The following AGBL4 variants were observed in gnomAD, a reference collection of about 807,000 sequenced individuals.
AGBL4 encodes cytosolic carboxypeptidase 6.
In AGBL4, 58 loss-of-function variants were observed where a neutral mutation model predicts 66.4. That is an observed-to-expected ratio of 0.87 (90% CI 0.71 to 1.09). The LOEUF is 1.09. AGBL4 is among the 50% of genes least tolerant of loss of function. AGBL4 has a pLI of 0.00. For missense variants in AGBL4, 579 were observed against 631.0 expected, an observed-to-expected ratio of 0.92 and a Z score of 0.88; for synonymous variants, 234 against 222.9, an observed-to-expected ratio of 1.05 and a Z score of -0.44.
chr1:49,663,244 T>C (rs933054940), intron 3 of AGBL4, among the ~76,000 whole-genome samples: 4 of 152,236 alleles, frequency 2.6e-5, no homozygotes, highest in African/African-American at 9.6e-5. Flanking sequence ...TTTGTTTCCT[T>C]CCCATAGCAC....
At chr1:48,523,518 C>G in the AGBL4 span, among the ~76,000 whole-genome samples, 1 of 152,156 alleles carries the variant, frequency 6.6e-6, no homozygotes, top group African/African-American at 2.4e-5. Flanking sequence ...TAAATCCAGG[C>G]TCTGGGTTAG....
chr1:48,812,815 A>G (rs1231502194), intron 6 of AGBL4, among the ~76,000 whole-genome samples: 1 of 152,080 alleles, frequency 6.6e-6, no homozygotes, highest in Non-Finnish European at 1.5e-5. Context: ...TTGTAGGGAC[A>G]TGGATGAAGC....
intron 3 of AGBL4, among the ~76,000 whole-genome samples, chr1:49,677,808 C>T (rs1443050805): frequency 1.3e-5 from 2 of 152,102 alleles, no homozygotes; most frequent in Non-Finnish European, 2.9e-5. Flanking sequence ...TAAGAAGAGA[C>T]ACCAGAGAGC....
intron 3 of AGBL4, among the ~76,000 whole-genome samples, chr1:49,468,696 A>T (rs1646678762): frequency 6.6e-6 from 1 of 151,772 alleles, no homozygotes. Flanking sequence ...TTTCATCTTC[A>T]CATCATTTCC....
intron 3 of AGBL4, among the ~76,000 whole-genome samples, chr1:49,621,230 A>G (rs1052028638): frequency 2.6e-5 from 4 of 152,214 alleles, no homozygotes; most frequent in Non-Finnish European, 4.4e-5. Context: ...TACACTCACC[A>G]GCAGTTTGGC....
chr1:48,537,513 A>G lies in AGBL4; in HGVS notation c.1364+2129T>C, dbSNP rs936049157. Among the ~76,000 whole-genome samples the G allele has an allele frequency of 3.9e-5, 6 of 152,042 alleles. 1 individual carries two copies. The highest frequency in any genetic ancestry group is 5.9e-5 in the Non-Finnish European group (4 of 68,010). On this transcript the variant is annotated intron_variant, in intron 12 of 13. Coordinates refer to ENST00000371839, the MANE Select transcript of AGBL4 (RefSeq NM_032785.4). Reference sequence around the variant, plus strand: ...CTCTTCACTGGTAGACACTGAACACACTGCATGGCAGGGTGAGGGCCTGTG... The same window carrying G: ...CTCTTCACTGGTAGACACTGAACACGCTGCATGGCAGGGTGAGGGCCTGTG...
intron 4 of AGBL4, among the ~76,000 whole-genome samples, chr1:49,171,987 A>G (rs1464962016): frequency 4.6e-5 from 7 of 152,216 alleles, no homozygotes; most frequent in African/African-American, 7.2e-5. Flanking sequence ...CAAATCACAT[A>G]AATAGTAAAT....
At chr1:49,331,894 T>C (rs1645342446) in intron 3 of AGBL4, among the ~76,000 whole-genome samples, 1 of 151,138 alleles carries the variant, frequency 6.6e-6, no homozygotes, top group African/African-American at 2.4e-5. Context: ...ACCCATATTC[T>C]AGACATAGCT....
intron 6 of AGBL4, among the ~76,000 whole-genome samples, chr1:48,705,065 A>T (rs1646861516): frequency 6.6e-6 from 1 of 152,224 alleles, no homozygotes; most frequent in African/African-American, 2.4e-5. Context: ...TTATAATCTT[A>T]TGGGACCACT....
chr1:48,617,359 C>T (rs917426870), intron 9 of AGBL4, among the ~76,000 whole-genome samples: 2 of 152,202 alleles, frequency 1.3e-5, no homozygotes, highest in Non-Finnish European at 2.9e-5. Flanking sequence ...AACACTGGTG[C>T]TGATTGCATA....
At chr1:48,967,826 C>G (rs1658568105) in intron 5 of AGBL4, among the ~76,000 whole-genome samples, 1 of 152,130 alleles carries the variant, frequency 6.6e-6, no homozygotes, top group Admixed American at 6.6e-5. Flanking sequence ...TAACTTGTTA[C>G]AGGTAAGGTG....
At chr1:49,887,305 T>G (rs556835788) in intron 1 of AGBL4, among the ~76,000 whole-genome samples, 1 of 151,414 alleles carries the variant, frequency 6.6e-6, no homozygotes, top group East Asian at 1.9e-4. Context: ...AAAAACTCCC[T>G]ATGTTAGGAA....
intron 1 of AGBL4, among the ~76,000 whole-genome samples, chr1:49,935,086 A>G (rs1327839867): frequency 6.6e-6 from 1 of 152,198 alleles, no homozygotes; most frequent in Admixed American, 6.5e-5. Flanking sequence ...GAGTCAAAGA[A>G]AGGGGTGACA....
At chr1:49,669,274 C>T (rs1216058260) in intron 3 of AGBL4, among the ~76,000 whole-genome samples, 2 of 152,044 alleles carry the variant, frequency 1.3e-5, no homozygotes, top group Non-Finnish European at 2.9e-5. Flanking sequence ...GGAGGGACAA[C>T]TGAGGGTAGA....
chr1:49,446,557 A>G (rs1168591794), intron 3 of AGBL4, among the ~76,000 whole-genome samples: 1 of 152,206 alleles, frequency 6.6e-6, no homozygotes, highest in Non-Finnish European at 1.5e-5. Flanking sequence ...CAGATGGACC[A>G]GTATACAGGC....
intron 3 of AGBL4, among the ~76,000 whole-genome samples, chr1:49,264,709 C>A (rs1653557297): frequency 6.6e-6 from 1 of 152,088 alleles, no homozygotes; most frequent in South Asian, 2.1e-4. Context: ...CCACACCCGG[C>A]TAATTTTTGT....
At chr1:49,343,908 G>A (rs1645589009) in intron 3 of AGBL4, among the ~76,000 whole-genome samples, 1 of 152,182 alleles carries the variant, frequency 6.6e-6, no homozygotes, top group Non-Finnish European at 1.5e-5. Flanking sequence ...AAATAAAGTT[G>A]TAAAGATTAT....
chr1:49,584,220 G>A (rs897719485), intron 3 of AGBL4, among the ~76,000 whole-genome samples: 2 of 152,142 alleles, frequency 1.3e-5, no homozygotes, highest in Non-Finnish European at 2.9e-5. Flanking sequence ...TATCAGGGCA[G>A]GAAGATTAAA....
At chr1:49,524,062 C>T (rs1006193445) in intron 3 of AGBL4, among the ~76,000 whole-genome samples, 7 of 151,996 alleles carry the variant, frequency 4.6e-5, no homozygotes, top group African/African-American at 1.4e-4. Flanking sequence ...TCATTTAACC[C>T]TAACACAAAT....
Sources: allele counts gnomAD v4.1 joint callset (sites outside exome capture counted in the v4.1 genomes callset), GRCh38; gene constraint gnomAD v4.1.1; transcripts MANE v1.5; gene names NCBI Gene and HGNC (gene_info 2026-07-23, HGNC 2026-07-21).